The following SLC22A25 variants were observed in gnomAD, a reference collection of about 807,000 sequenced individuals.
SLC22A25 encodes MGI:2442751, MGI:2385316, MGI:3042283, MGI:3645714, MGI:3605624, MGI:2442750.
In SLC22A25, 44 loss-of-function variants were observed where a neutral mutation model predicts 45.9. The observed-to-expected ratio is 0.96, with a 90% CI of 0.75 to 1.23. The LOEUF is 1.23. Among genes scored for constraint, SLC22A25 ranks in the 50% most tolerant of loss-of-function variants. The probability of loss-of-function intolerance (pLI) is 0.00; values close to 1 mark genes in which losing one functional copy is unlikely to be tolerated. For missense variants in SLC22A25, 800 were observed against 666.4 expected (o/e 1.20, Z -2.21); for synonymous variants, 283 against 238.6 (o/e 1.19, Z -1.72).
intron 5 of SLC22A25, among the ~76,000 whole-genome samples, chr11:63,225,582 G>A (rs1358688216): frequency 6.6e-6 from 1 of 152,130 alleles, no homozygotes; most frequent in African/African-American, 2.4e-5. Flanking sequence ...GACCTAGGGA[G>A]TTGGATTATT....
At chr11:63,165,540 G>A (rs1395060413) in intron 10 of SLC22A25, among the ~76,000 whole-genome samples, 1 of 152,172 alleles carries the variant, frequency 6.6e-6, no homozygotes, top group Non-Finnish European at 1.5e-5. Flanking sequence ...TTTCTTTGAA[G>A]TCAAGATGAC....
intron 1 of SLC22A25, among the ~76,000 whole-genome samples, chr11:63,242,419 A>G (rs935194501): frequency 1.3e-5 from 2 of 152,202 alleles, no homozygotes; most frequent in African/African-American, 2.4e-5. Flanking sequence ...TACAGCAATA[A>G]CACTTGCATG....
rs574656264 is a variant in SLC22A25 at position 63,162,041 on chromosome 11, C to G, written c.*1783G>C. The stretch of plus-strand genomic sequence containing the variant: ...GATCAATGATGTTCAGCACTTTTTC[C>G]TATGACTGTTTGACATCTGTATGTC... On this transcript the variant is annotated 3_prime_UTR_variant, in exon 12 of 12. Coordinates refer to ENST00000306494, the MANE Select transcript of SLC22A25 (RefSeq NM_199352.6). Among the ~76,000 whole-genome samples the G allele has an allele frequency of 6.6e-6, 1 of 152,238 alleles. No individual in the cohort carries two copies. The highest frequency in any genetic ancestry group is 1.5e-5 in the Non-Finnish European group (1 of 67,994).
intron 7 of SLC22A25, among the ~76,000 whole-genome samples, chr11:63,187,556 C>T (rs958903167): frequency 6.6e-6 from 1 of 152,156 alleles, no homozygotes; most frequent in African/African-American, 2.4e-5. Flanking sequence ...TGCCTGATTG[C>T]CCTGGCCAGA....
At position 63,158,858 on chromosome 11, in the gene SLC22A25, C is replaced by T. The variant is rs2087515201; in HGVS notation, c.*4966G>A. On this transcript the variant is annotated 3_prime_UTR_variant, in exon 12 of 12. Transcript: ENST00000306494. ...AGTAGATCTTATTCATTCTTTCCAA[C>T]TTCCTTTTTTCCCCCCATTAACTAT... Among the ~76,000 whole-genome samples, 1 of 152,168 alleles carries T rather than the reference C, an allele frequency of 6.6e-6. No homozygotes were observed. The highest frequency in any genetic ancestry group is 6.5e-5 in the Admixed American group (1 of 15,280).
chr11:63,216,119 A>G (rs1281689708), intron 7 of SLC22A25, among the ~76,000 whole-genome samples: 2 of 152,226 alleles, frequency 1.3e-5, no homozygotes, highest in African/African-American at 2.4e-5. Flanking sequence ...CTATTATGAA[A>G]AAATGCTCAA....
rs890353189 is a variant in SLC22A25, at chr11:63,159,879, C to T, written c.*3945G>A. 6.6e-6 allele frequency among the ~76,000 whole-genome samples: 1 copy of T among 152,150 alleles called. No individual in the cohort carries two copies. The highest frequency in any genetic ancestry group is 2.4e-5 in the African/African-American group (1 of 41,416). On this transcript the variant is annotated 3_prime_UTR_variant, in exon 12 of 12. Transcript: ENST00000306494. The stretch of plus-strand genomic sequence containing the variant: ...TTGTTGGTAACTGGAGTAAAGGTGA[C>T]TCTTGCTATATTTTAGTAAAGAGAC...
chr11:63,170,344 AC>A (rs1197856757), intron 9 of SLC22A25, among the ~76,000 whole-genome samples: 2 of 858 alleles, frequency 2.3e-3, no homozygotes, highest in African/African-American at 2.7e-3. Context: ...AGACAGAGAC[AC>A]AAAACCACTC....
At chr11:63,218,216 G>A in intron 5 of SLC22A25, 1 of 374,466 alleles carries the variant, frequency 2.7e-6, no homozygotes, top group Non-Finnish European at 5.2e-6. Flanking sequence ...TGCAGATGGA[G>A]GCCATTTTCC....
At chr11:63,232,952 G>A (rs1159510967) in intron 3 of SLC22A25, among the ~76,000 whole-genome samples, 1 of 152,140 alleles carries the variant, frequency 6.6e-6, no homozygotes, top group African/African-American at 2.4e-5. Context: ...ATTTGCATAT[G>A]TTGAGCCAGC....
At chr11:63,230,508 A>C (rs967552469) in intron 3 of SLC22A25, among the ~76,000 whole-genome samples, 1 of 152,234 alleles carries the variant, frequency 6.6e-6, no homozygotes, top group Non-Finnish European at 1.5e-5. Flanking sequence ...ATATTATGTG[A>C]GACGCACAAT....
intron 7 of SLC22A25, among the ~76,000 whole-genome samples, chr11:63,204,911 G>A (rs997147678): frequency 2.6e-5 from 4 of 152,162 alleles, no homozygotes; most frequent in African/African-American, 9.7e-5. Flanking sequence ...ATAATTGGAA[G>A]TAAAACATTC....
intron 5 of SLC22A25, chr11:63,218,308 G>A (rs2089771642): frequency 3.4e-6 from 1 of 297,574 alleles, no homozygotes; most frequent in Non-Finnish European, 6.5e-6. Flanking sequence ...TAAGTACACA[G>A]GGACATAAAG....
At chr11:63,165,418 T>C (rs1326996049) in intron 10 of SLC22A25, among the ~76,000 whole-genome samples, 2 of 152,182 alleles carry the variant, frequency 1.3e-5, no homozygotes, top group East Asian at 1.9e-4. Flanking sequence ...TTCCCTTATT[T>C]ATTGCTTGTG....
In SLC22A25 at chr11:63,237,915, G is replaced by T. The variant is rs1463877176; in HGVS notation, c.-479C>A. The T allele has an allele frequency of 6.6e-6, 1 of 152,212 alleles. No homozygotes were observed. The highest frequency in any genetic ancestry group is 1.5e-5 in the Non-Finnish European group (1 of 68,040). The allele number at this position is 152,212 out of a possible 1,614,324, so 9.4% of individuals were successfully genotyped here. Reference sequence around the variant, plus strand: ...GATCTTTGAACAGAGATGCTCATCTGTCTGATAAATGGCCATATTGGATGC... The same window carrying T: ...GATCTTTGAACAGAGATGCTCATCTTTCTGATAAATGGCCATATTGGATGC... On this transcript the variant is annotated 5_prime_UTR_variant, in exon 3 of 12. Coordinates refer to ENST00000306494, the MANE Select transcript of SLC22A25 (RefSeq NM_199352.6).
intron 5 of SLC22A25, among the ~76,000 whole-genome samples, chr11:63,227,911 C>T (rs185611984): frequency 6.6e-6 from 1 of 152,324 alleles, no homozygotes; most frequent in East Asian, 1.9e-4. Flanking sequence ...CCTGTGTTGG[C>T]AGCACTGAGT....
intron 3 of SLC22A25, among the ~76,000 whole-genome samples, chr11:63,235,960 T>C (rs1253090487): frequency 6.6e-6 from 1 of 152,146 alleles, no homozygotes; most frequent in Non-Finnish European, 1.5e-5. Context: ...GAACAGCAGA[T>C]ATTGGTGAAC....
chr11:63,192,825 A>G (rs2088864570), intron 7 of SLC22A25, among the ~76,000 whole-genome samples: 1 of 152,242 alleles, frequency 6.6e-6, no homozygotes, highest in Admixed American at 6.5e-5. Context: ...AGGAGTACCC[A>G]AATTCATAAA....
At chr11:63,230,688 A>G (rs1344631839) in intron 3 of SLC22A25, among the ~76,000 whole-genome samples, 1 of 152,244 alleles carries the variant, frequency 6.6e-6, no homozygotes, top group Non-Finnish European at 1.5e-5. Context: ...TCTAGGGTAC[A>G]TGTGCACAAC....
Sources: allele counts gnomAD v4.1 joint callset (sites outside exome capture counted in the v4.1 genomes callset), GRCh38; gene constraint gnomAD v4.1.1; transcripts MANE v1.5; gene names NCBI Gene and HGNC (gene_info 2026-07-23, HGNC 2026-07-21).